Variants in GABRG2 observed in about 807,000 individuals in gnomAD.
The protein encoded by GABRG2 is gamma-aminobutyric acid type A receptor subunit gamma2.
In GABRG2, 16 loss-of-function variants were observed where a neutral mutation model predicts 56.4. The observed-to-expected ratio is 0.28, with a 90% CI of 0.19 to 0.43. The LOEUF (loss-of-function observed/expected upper bound fraction) is 0.43, where lower values mean the gene tolerates loss of function less well. Ranked by LOEUF, GABRG2 falls within the 20% of genes least tolerant of loss-of-function variation. The probability of loss-of-function intolerance (pLI) is 1.00; values close to 1 mark genes in which losing one functional copy is unlikely to be tolerated. For missense variants in GABRG2, 327 were observed against 582.7 expected (o/e 0.56, Z 4.52); for synonymous variants, 208 against 205.5 (o/e 1.01, Z -0.10).
At chr5:162,089,322 C>A (rs967250496) in intron 1 of GABRG2, among the ~76,000 whole-genome samples, 24 of 151,984 alleles carry the variant, frequency 1.6e-4, no homozygotes, top group African/African-American at 4.8e-4. Context: ...TCCCAGTGGA[C>A]CCTACAGCCT....
chr5:162,153,436 C>A lies in GABRG2; in HGVS notation c.*68C>A. On this transcript the variant is annotated 3_prime_UTR_variant, in exon 10 of 10. Transcript: ENST00000639213. Reference sequence around the variant, plus strand: ...TCATGGAGAGATGTCTGTTCTAAGTCCACTTAAATAATCCTCTATGTGGTT... The same window carrying A: ...TCATGGAGAGATGTCTGTTCTAAGTACACTTAAATAATCCTCTATGTGGTT... The A allele has an allele frequency of 6.5e-7, 1 of 1,528,720 alleles. No individual in the cohort carries two copies. Among genetic ancestry groups the A allele is most frequent in the Non-Finnish European group, 9.1e-7 (1 of 1,103,434 alleles). The allele number at this position is 1,528,720 out of a possible 1,614,324, so 94.7% of individuals were successfully genotyped here.
At chr5:162,103,380 GAGAA>G (rs1173070772) in intron 5 of GABRG2, 152 of 157,796 alleles carry the variant, frequency 9.6e-4, no homozygotes, top group Middle Eastern at 3.4e-3. Flanking sequence ...CCAACAAATT[GAGAA>G]AGAAAGATAA....
At chr5:162,099,474 T>G (rs1413961531) in intron 4 of GABRG2, 1 of 152,094 alleles carries the variant, frequency 6.6e-6, no homozygotes, top group Admixed American at 6.6e-5. Context: ...AGTCTTACTA[T>G]GTTGCCCATG....
intron 4 of GABRG2, chr5:162,099,424 A>G (rs375630862): frequency 6.6e-6 from 1 of 152,200 alleles, no homozygotes; most frequent in Non-Finnish European, 1.5e-5. Context: ...ACGTGCCACT[A>G]CACCCTGCTA....
chr5:162,149,677 G>T, intron 8 of GABRG2: 1 of 565,982 alleles, frequency 1.8e-6, no homozygotes, highest in Non-Finnish European at 3.4e-6. Flanking sequence ...GCAGTGGCGG[G>T]ATCTCGGCTT....
chr5:162,079,972 G>A (rs541732941), intron 1 of GABRG2, among the ~76,000 whole-genome samples: 9 of 152,102 alleles, frequency 5.9e-5, no homozygotes, highest in South Asian at 2.1e-4. Context: ...ACCCATAAAC[G>A]CACATGATTC....
intron 7 of GABRG2, 145 bp downstream of exon 7, chr5:162,142,461 C>T (rs995200400): frequency 2.3e-6 from 2 of 865,402 alleles, no homozygotes. Flanking sequence ...AGAGAACTGG[C>T]ATTTTTAATT....
intron 6 of GABRG2, among the ~76,000 whole-genome samples, chr5:162,112,790 C>T (rs1456960263): frequency 1.3e-5 from 2 of 152,082 alleles, no homozygotes; most frequent in Non-Finnish European, 2.9e-5. Context: ...ACCTGCCATT[C>T]ATGTAATACA....
At chr5:162,089,266 C>T (rs1325056961) in intron 1 of GABRG2, among the ~76,000 whole-genome samples, 2 of 151,988 alleles carry the variant, frequency 1.3e-5, no homozygotes, top group Admixed American at 6.6e-5. Context: ...TGATGATGTA[C>T]GGAACAAGAA....
intron 4 of GABRG2, chr5:162,098,863 C>G (rs1028957670): frequency 6.6e-6 from 1 of 152,182 alleles, no homozygotes; most frequent in Non-Finnish European, 1.5e-5. Flanking sequence ...CCGACCTTGA[C>G]ATCACAACTG....
intron 6 of GABRG2, among the ~76,000 whole-genome samples, chr5:162,129,759 A>G (rs1763597600): frequency 6.6e-6 from 1 of 151,980 alleles, no homozygotes; most frequent in African/African-American, 2.4e-5. Flanking sequence ...TTTCAAAAAT[A>G]AATTTTAGAG....
intron 1 of GABRG2, among the ~76,000 whole-genome samples, chr5:162,089,084 G>A (rs1042583524): frequency 1.4e-4 from 22 of 152,104 alleles, no homozygotes; most frequent in African/African-American, 5.3e-4. Flanking sequence ...GGCAACAAAT[G>A]TAGATAAGAT....
intron 1 of GABRG2, among the ~76,000 whole-genome samples, chr5:162,085,555 C>CT (rs1760014124): frequency 7.3e-6 from 1 of 137,298 alleles, no homozygotes; most frequent in Non-Finnish European, 1.6e-5. Context: ...ACTTTTTTTT[C>CT]TTCTTTTTTT....
intron 7 of GABRG2, among the ~76,000 whole-genome samples, chr5:162,147,224 CTCTT>C (rs541478905): frequency 2.2e-4 from 33 of 151,424 alleles, no homozygotes; most frequent in East Asian, 5.8e-4. Context: ...TTCTTTCTTT[CTCTT>C]TCTTTCTTCT....
At chr5:162,137,538 CT>C (rs1166250468) in intron 6 of GABRG2, among the ~76,000 whole-genome samples, 17 of 151,950 alleles carry the variant, frequency 1.1e-4, no homozygotes, top group African/African-American at 9.7e-5. Context: ...TTCTTCATTC[CT>C]TTTTTTAGCT....
At chr5:162,098,070 A>C (rs550243323) in intron 4 of GABRG2, 6 of 578,586 alleles carry the variant, frequency 1.0e-5, no homozygotes, top group Non-Finnish European at 1.8e-5. Flanking sequence ...TTATAGGCAA[A>C]GCTTATTTTC....
chr5:162,102,053 A>C (rs534595459), intron 5 of GABRG2: 1 of 156,634 alleles, frequency 6.4e-6, no homozygotes, highest in African/African-American at 2.4e-5. Flanking sequence ...TAGATTTTAA[A>C]AGTATGTTTG....
chr5:162,088,099 C>T (rs1045442682), intron 1 of GABRG2, among the ~76,000 whole-genome samples: 1 of 152,034 alleles, frequency 6.6e-6, no homozygotes, highest in South Asian at 2.1e-4. Context: ...TTTGCATGTC[C>T]TTACTGGGAG....
intron 8 of GABRG2, chr5:162,149,618 T>G (rs1361585251): frequency 1.4e-6 from 1 of 702,184 alleles, no homozygotes; most frequent in South Asian, 1.4e-5. Flanking sequence ...TATTCCAGGT[T>G]TCACTGATTT....
Sources: gnomAD v4.1 joint callset for allele counts (sites outside exome capture counted in the v4.1 genomes callset) on GRCh38, gnomAD v4.1.1 for gene constraint, MANE v1.5 for transcripts, NCBI Gene and HGNC (gene_info 2026-07-23, HGNC 2026-07-21) for gene names.